Variants in SNX4 observed in about 807,000 individuals in gnomAD.
The protein encoded by SNX4 is sorting nexin-4.
SNX4 carries 49 observed loss-of-function variants against 70.8 expected under a neutral mutation model. That is an observed-to-expected ratio of 0.69 (90% CI 0.55 to 0.88). The LOEUF is 0.88. Among genes scored for constraint, SNX4 ranks in the 40% least tolerant of loss-of-function variants. SNX4 has a pLI of 0.00. For missense variants in SNX4, 528 were observed against 544.8 expected (o/e 0.97, Z 0.31); for synonymous variants, 206 against 183.8 (o/e 1.12, Z -0.98).
intron 6 of SNX4, among the ~76,000 whole-genome samples, chr3:125,487,955 A>G (rs907101791): frequency 6.6e-6 from 1 of 152,002 alleles, no homozygotes; most frequent in Non-Finnish European, 1.5e-5. Context: ...GAACCCTAAC[A>G]TAAATGATGG....
In SNX4 at chr3:125,498,197, G is replaced by A; in HGVS notation, c.264-3C>T. ...GACCATCGGTATGTTCAACTGACCT[G>A]AAAAGGAACAGAACAACACTTGTTA... is the stretch of plus-strand genomic sequence containing the variant. On this transcript the variant is annotated splice_polypyrimidine_tract_variant and splice_region_variant and intron_variant, in intron 2 of 13. Transcript: ENST00000251775. 2 of 1,611,498 alleles carry A rather than the reference G, an allele frequency of 1.2e-6. No individual in the cohort carries two copies. The highest frequency in any genetic ancestry group is 1.7e-6 in the Non-Finnish European group (2 of 1,179,056).
intron 2 of SNX4, among the ~76,000 whole-genome samples, chr3:125,502,349 CTTTTT>C (rs34542195): frequency 2.7e-5 from 4 of 147,990 alleles, no homozygotes; most frequent in African/African-American, 9.8e-5. Context: ...AATTTTCTTT[CTTTTT>C]TTTTTTTAGA....
rs1933823648 is a variant in SNX4, at chr3:125,459,607, T to A, written c.944+1164A>T. Among the ~76,000 whole-genome samples, 3 of 152,198 alleles carry A rather than the reference T, an allele frequency of 2.0e-5. No individual in the cohort carries two copies. In the South Asian group the frequency reaches 6.2e-4, roughly 32 times the overall value. ...ACCCACCACTATGCCTGGCTAACTT[T>A]TTTGTAATTTTAGTAGAGACGGGGT... On this transcript the variant is annotated intron_variant, in intron 10 of 13. Transcript: ENST00000251775.
At chr3:125,510,089 A>T (rs1185692774) in intron 1 of SNX4, among the ~76,000 whole-genome samples, 1 of 152,218 alleles carries the variant, frequency 6.6e-6, no homozygotes, top group African/African-American at 2.4e-5. Context: ...CATATAATCC[A>T]GCAATTCCAT....
At chr3:125,504,248 G>A (rs1288492303) in intron 2 of SNX4, among the ~76,000 whole-genome samples, 2 of 151,030 alleles carry the variant, frequency 1.3e-5, no homozygotes, top group Non-Finnish European at 2.9e-5. Flanking sequence ...CAGGAGAATC[G>A]CTTGAATCCG....
rs1011755342 is a variant in SNX4, at chr3:125,454,445, C to T, written c.1045-490G>A. Among the ~76,000 whole-genome samples the T allele has an allele frequency of 3.9e-5, 6 of 152,246 alleles. No homozygotes were observed. The South Asian group carries it at 1.2e-3, about 32-fold the overall frequency. ...TGATCTGAAATGAAACAGTTTCATC[C>T]CGAAATCATCCTCAGCACCCCCTGC... On this transcript the variant is annotated intron_variant, in intron 11 of 13. Transcript: ENST00000251775.
rs1197326670 is a variant in SNX4, at chr3:125,520,163, C to G, written c.10G>C (p.Ala4Pro). MEQ[A>P]PPDPERQLQP... ...AGCTGCCGCTCGGGGTCCGGAGGTG[C>G]CTGCTCCATGGCTGCAGTTCGGCGC... is the stretch of plus-strand genomic sequence containing the variant. Residue 4 changes from alanine to proline, a missense_variant, in exon 1 of 14, where the codon GCA becomes CCA. By Grantham distance (27) the Ala-to-Pro change is conservative (BLOSUM62 -1). Transcript: ENST00000251775. 5.7e-6 allele frequency: 8 copies of G among 1,407,372 alleles called. No individual in the cohort carries two copies. The highest frequency in any genetic ancestry group is 3.1e-5 in the African/African-American group (2 of 65,454). The allele number at this position is 1,407,372 out of a possible 1,614,324, so 87.2% of individuals were successfully genotyped here. A position where few individuals can be genotyped will look rare whatever the true frequency, so the allele number is the denominator to read the frequency against.
chr3:125,495,250 T>TTATATA lies in SNX4; in HGVS notation c.597+2085_597+2090dup, dbSNP rs759787193. 6.5e-3 allele frequency among the ~76,000 whole-genome samples: 249 copies of TTATATA among 38,136 alleles called. 28 individuals carry two copies. The highest frequency in any genetic ancestry group is 0.016 in the Middle Eastern group (1 of 62). The allele number at this position is 38,136 out of a possible 152,430, so 25.0% of individuals were successfully genotyped here. On this transcript the variant is annotated intron_variant, in intron 5 of 13. Coordinates refer to ENST00000251775, the MANE Select transcript of SNX4 (RefSeq NM_003794.4). ...GAAATGTGATACACTCATTCTCTCT[T>TTATATA]TATATATATATATATATATATATAT...
intron 1 of SNX4, among the ~76,000 whole-genome samples, chr3:125,509,235 C>G (rs1234233526): frequency 6.7e-6 from 1 of 150,142 alleles, no homozygotes; most frequent in Non-Finnish European, 1.5e-5. Flanking sequence ...GAGGCTGAAG[C>G]AGGACAATCG....
At chr3:125,504,396 C>G (rs1472575314) in intron 2 of SNX4, among the ~76,000 whole-genome samples, 1 of 148,512 alleles carries the variant, frequency 6.7e-6, no homozygotes, top group Non-Finnish European at 1.5e-5. Context: ...ACTCAGGAAA[C>G]TGAGGTGACC....
At chr3:125,504,979 AT>A (rs560157260) in intron 1 of SNX4, among the ~76,000 whole-genome samples, 18 of 151,868 alleles carry the variant, frequency 1.2e-4, no homozygotes, top group Non-Finnish European at 2.5e-4. Context: ...ATTTATTTTT[AT>A]TTTTTTTGAG....
At chr3:125,492,689 T>C (rs1228422209) in intron 5 of SNX4, among the ~76,000 whole-genome samples, 1 of 152,174 alleles carries the variant, frequency 6.6e-6, no homozygotes, top group African/African-American at 2.4e-5. Context: ...ATGTCTCCAA[T>C]CACTAAAATA....
chr3:125,478,111 A>G (rs1934326055), intron 7 of SNX4, among the ~76,000 whole-genome samples: 1 of 151,128 alleles, frequency 6.6e-6, no homozygotes, highest in Non-Finnish European at 1.5e-5. Context: ...ACGGAGTCTC[A>G]CTCTGTCTCC....
chr3:125,458,001 A>C (rs982725314), intron 10 of SNX4, among the ~76,000 whole-genome samples: 1 of 152,154 alleles, frequency 6.6e-6, no homozygotes, highest in South Asian at 2.1e-4. Flanking sequence ...AACTACATAC[A>C]TAATGTATAC....
intron 12 of SNX4, 60 bp from the exon 13 acceptor site, chr3:125,451,479 G>C (rs1458660820): frequency 8.1e-7 from 1 of 1,238,570 alleles, no homozygotes; most frequent in Non-Finnish European, 1.2e-6. Context: ...GTACTAAAAA[G>C]TTAACCAGTT....
chr3:125,457,917 C>T (rs912338201), intron 10 of SNX4, among the ~76,000 whole-genome samples: 1 of 152,110 alleles, frequency 6.6e-6, no homozygotes, highest in Admixed American at 6.6e-5. Context: ...AAGTTGTTTT[C>T]CATATACTTG....
chr3:125,498,000 A>C lies in SNX4; in HGVS notation c.400-17T>G, dbSNP rs1343843748. 1 of 1,613,952 alleles carries C rather than the reference A, an allele frequency of 6.2e-7. No homozygotes were observed. On this transcript the variant is annotated splice_polypyrimidine_tract_variant and intron_variant, in intron 3 of 13. Transcript: ENST00000251775. ...AAATTCTGCCTAGGTAAACAAAATA[A>C]TCATTAAGAATAGTCTCAATGCTGA... is the stretch of plus-strand genomic sequence containing the variant.
chr3:125,478,142 C>T (rs1207145319), intron 7 of SNX4, among the ~76,000 whole-genome samples: 3 of 151,716 alleles, frequency 2.0e-5, no homozygotes, highest in Middle Eastern at 6.4e-3. Context: ...TACAGTGGCA[C>T]GATCTCAGCT....
chr3:125,474,556 TCCTCCTTCCTTGG>T (rs1934250229), intron 8 of SNX4, among the ~76,000 whole-genome samples: 1 of 152,216 alleles, frequency 6.6e-6, no homozygotes, highest in Non-Finnish European at 1.5e-5. Context: ...CCTCAAGTGA[TCCTCCTTCCTTGG>T]CCTCCCAAAG....
Sources: gnomAD v4.1 joint callset for allele counts (sites outside exome capture counted in the v4.1 genomes callset) on GRCh38, gnomAD v4.1.1 for gene constraint, MANE v1.5 for transcripts, NCBI Gene and HGNC (gene_info 2026-07-23, HGNC 2026-07-21) for gene names.